The following MCPH1 variants were observed in gnomAD, a reference collection of about 807,000 sequenced individuals.
The protein encoded by MCPH1 is microcephalin.
MCPH1 carries 104 observed loss-of-function variants against 84.5 expected under a neutral mutation model. The observed-to-expected ratio is 1.23, with a 90% CI of 1.05 to 1.45. The LOEUF is 1.45. Among genes scored for constraint, MCPH1 ranks in the 40% most tolerant of loss-of-function variants. The pLI, the probability that MCPH1 is intolerant of heterozygous loss-of-function variation, is 0.00. For missense variants in MCPH1, 1,498 were observed against 1,005.7 expected (o/e 1.49, Z -6.62); for synonymous variants, 514 against 366.8 (o/e 1.40, Z -4.58).
chr8:6,474,068 T>C (rs1228909548), intron 9 of MCPH1: 2 of 797,102 alleles, frequency 2.5e-6, no homozygotes, highest in East Asian at 4.9e-5. Context: ...TATGTTGGCA[T>C]CTATTCTCAA....
rs772740330 is a variant in MCPH1 at position 6,477,611 on chromosome 8, C to T, written c.1953C>T (p.Val651=). The change falls in exon 10 of 14, where the codon GTC becomes GTT. Residue 651 remains valine (V), a synonymous_variant. Coordinates refer to ENST00000344683, the MANE Select transcript of MCPH1 (RefSeq NM_024596.5). ...ATCTCTAGCCAACAAGAACATTAGT[C>T]ATGACAAGCATGCCATCTGAGTAAG... ...GRGKKPTRTL[V]MTSMPSEKQN... is the part of the protein sequence containing the mutation. The T allele has an allele frequency of 1.9e-6, 3 of 1,612,898 alleles. No individual in the cohort carries two copies. Among genetic ancestry groups the T allele is most frequent in the Admixed American group, 1.7e-5 (1 of 59,994 alleles).
At chr8:6,556,376 C>A (rs1177990905) in intron 12 of MCPH1, among the ~76,000 whole-genome samples, 1 of 152,006 alleles carries the variant, frequency 6.6e-6, no homozygotes, top group Non-Finnish European at 1.5e-5. Context: ...GAATAGCAAC[C>A]ATTGAGAAAT....
chr8:6,453,641 T>A (rs1019651704), intron 8 of MCPH1, among the ~76,000 whole-genome samples: 2 of 152,196 alleles, frequency 1.3e-5, no homozygotes, highest in Non-Finnish European at 2.9e-5. Flanking sequence ...GACACACTCA[T>A]GCTTCAAGTA....
intron 13 of MCPH1, chr8:6,625,624 G>T (rs749868810): frequency 6.0e-5 from 59 of 985,172 alleles, no homozygotes; most frequent in Non-Finnish European, 6.5e-5. Context: ...GTAAGGTAGG[G>T]TCCCTGAGCG....
intron 12 of MCPH1, among the ~76,000 whole-genome samples, chr8:6,531,693 C>T (rs764991908): frequency 1.3e-5 from 2 of 152,138 alleles, no homozygotes; most frequent in African/African-American, 2.4e-5. Context: ...TGGCCCAACC[C>T]TTTATATTAT....
intron 3 of MCPH1, among the ~76,000 whole-genome samples, chr8:6,423,269 A>G (rs989956624): frequency 2.2e-5 from 3 of 134,128 alleles, no homozygotes; most frequent in East Asian, 2.1e-4. Flanking sequence ...GGCTCACTGC[A>G]TTCTCCTGCC....
intron 11 of MCPH1, among the ~76,000 whole-genome samples, chr8:6,483,851 C>A (rs970268111): frequency 6.7e-6 from 1 of 150,132 alleles, no homozygotes; most frequent in East Asian, 2.0e-4. Flanking sequence ...CAGAGAGACA[C>A]CCTGTCAAAG....
chr8:6,412,935 C>T (rs955947969), intron 2 of MCPH1, among the ~76,000 whole-genome samples: 18 of 152,214 alleles, frequency 1.2e-4, no homozygotes, highest in Non-Finnish European at 2.5e-4. Flanking sequence ...CTTTGCAGTA[C>T]ATTTCCTTTT....
intron 12 of MCPH1, among the ~76,000 whole-genome samples, chr8:6,597,908 AAGG>A (rs1829050321): frequency 6.6e-6 from 1 of 152,168 alleles, no homozygotes; most frequent in Non-Finnish European, 1.5e-5. Flanking sequence ...CTCCAAAGGG[AAGG>A]GCAGAACCCT....
At chr8:6,413,155 C>G (rs907527987) in intron 2 of MCPH1, among the ~76,000 whole-genome samples, 2 of 152,190 alleles carry the variant, frequency 1.3e-5, no homozygotes, top group African/African-American at 4.8e-5. Flanking sequence ...TTACCTTTGA[C>G]TAATATTTTA....
chr8:6,479,747 A>T (rs1055116072), intron 10 of MCPH1, among the ~76,000 whole-genome samples: 1 of 152,150 alleles, frequency 6.6e-6, no homozygotes, highest in African/African-American at 2.4e-5. Flanking sequence ...TAGAAAGGTT[A>T]TTATAAAAGG....
intron 8 of MCPH1, among the ~76,000 whole-genome samples, chr8:6,448,750 T>C (rs1025895399): frequency 2.0e-5 from 3 of 152,178 alleles, no homozygotes; most frequent in Admixed American, 6.5e-5. Flanking sequence ...TATTTACATA[T>C]TGGTACCAGT....
At position 6,646,149 on chromosome 8, in the gene MCPH1, G is replaced by C. The variant is rs1419485506; in HGVS notation, c.*3100G>C. On this transcript the variant is annotated 3_prime_UTR_variant, in exon 14 of 14. Transcript: ENST00000344683. ...ACAATAATTACAAAGTATCAGCCAG[G>C]TGCCGTGGCTCACATCTGTAATACC... The C allele has an allele frequency of 6.6e-6, 1 of 152,182 alleles. No homozygotes were observed. Among genetic ancestry groups the C allele is most frequent in the South Asian group, 2.1e-4 (1 of 4,830 alleles). The allele number at this position is 152,182 out of a possible 1,614,324, so 9.4% of individuals were successfully genotyped here. A position where few individuals can be genotyped will look rare whatever the true frequency, so the allele number is the denominator to read the frequency against.
At chr8:6,595,304 T>C (rs147864349) in intron 12 of MCPH1, among the ~76,000 whole-genome samples, 1 of 152,148 alleles carries the variant, frequency 6.6e-6, no homozygotes, top group Non-Finnish European at 1.5e-5. Context: ...GCAAATAGGG[T>C]ATGTACTGTA....
chr8:6,417,227 C>CT (rs1226077979), intron 3 of MCPH1, among the ~76,000 whole-genome samples: 1 of 152,068 alleles, frequency 6.6e-6, no homozygotes, highest in African/African-American at 2.4e-5. Flanking sequence ...AGCTGTATAT[C>CT]TTTTTCTAAT....
intron 3 of MCPH1, among the ~76,000 whole-genome samples, chr8:6,425,177 G>A (rs969060591): frequency 2.1e-4 from 32 of 152,298 alleles, no homozygotes; most frequent in African/African-American, 6.5e-4. Flanking sequence ...ATCACAGCAC[G>A]GCTTCCCGAG....
At position 6,555,104 on chromosome 8, in the gene MCPH1, C is replaced by A. The variant is rs2515501; in HGVS notation, c.2214+55175C>A. Among the ~76,000 whole-genome samples the A allele has an allele frequency of 1.7e-4, 26 of 152,010 alleles. 1 individual carries two copies. The highest frequency in any genetic ancestry group is 6.0e-4 in the African/African-American group (25 of 41,388). On this transcript the variant is annotated intron_variant, in intron 12 of 13. Transcript: ENST00000344683. ...TCATACTGGTATTCTAAACCACTAC[C>A]CATGATTTTTTTTACTCTTTTTATT...
At chr8:6,554,372 C>CTGAA (rs1294772412) in intron 12 of MCPH1, among the ~76,000 whole-genome samples, 5 of 151,822 alleles carry the variant, frequency 3.3e-5, no homozygotes, top group Non-Finnish European at 7.4e-5. Flanking sequence ...GTTCTCGCCC[C>CTGAA]CAAAAGCCAA....
intron 12 of MCPH1, among the ~76,000 whole-genome samples, chr8:6,578,496 A>G (rs1339272380): frequency 6.6e-6 from 1 of 152,144 alleles, no homozygotes; most frequent in Non-Finnish European, 1.5e-5. Context: ...TTTAGTGATT[A>G]AAAGGGAAAA....
Sources: allele counts gnomAD v4.1 joint callset (sites outside exome capture counted in the v4.1 genomes callset), GRCh38; gene constraint gnomAD v4.1.1; transcripts MANE v1.5; gene names NCBI Gene and HGNC (gene_info 2026-07-23, HGNC 2026-07-21).